The following HTR1F variants were observed in gnomAD, a reference collection of about 807,000 sequenced individuals.
HTR1F encodes 5-hydroxytryptamine receptor 1F.
HTR1F carries 17 observed loss-of-function variants against 24.0 expected under a neutral mutation model. The observed-to-expected ratio is 0.71, with a 90% CI of 0.48 to 1.06. The LOEUF (loss-of-function observed/expected upper bound fraction) is 1.06. Ranked by LOEUF, HTR1F falls within the 50% of genes least tolerant of loss-of-function variation. The pLI, the probability that HTR1F is intolerant of heterozygous loss-of-function variation, is 0.00. For synonymous variants in HTR1F, 186 were observed against 156.8 expected, an observed-to-expected ratio of 1.19 and a Z score of -1.39; for missense variants, 391 against 427.8, an observed-to-expected ratio of 0.91 and a Z score of 0.76.
chr3:87,931,771 T>C lies in HTR1F; in HGVS notation c.-42-58937T>C, dbSNP rs55824621. ...GGTGTGAGATGGTATCTCATAGTGG[T>C]TTTGATTTGCATTTCTCTGATGGCC... On this transcript the variant is annotated intron_variant, in intron 2 of 2. Coordinates refer to ENST00000319595, the MANE Select transcript of HTR1F (RefSeq NM_001322209.2). 2.7e-5 allele frequency among the ~76,000 whole-genome samples: 4 copies of C among 149,728 alleles called. No homozygotes were observed. In the East Asian group the frequency reaches 5.8e-4, roughly 22 times the overall value.
chr3:87,913,220 A>G (rs935558874), intron 2 of HTR1F, among the ~76,000 whole-genome samples: 1 of 152,174 alleles, frequency 6.6e-6, no homozygotes, highest in Non-Finnish European at 1.5e-5. Context: ...AGCACCTATA[A>G]GGAACCTAAA....
Position 87,950,030 on chromosome 3 carries a change from G to A in HTR1F, c.-42-40678G>A, listed in dbSNP as rs370486890. Among the ~76,000 whole-genome samples, 12 of 152,294 alleles carry A rather than the reference G, an allele frequency of 7.9e-5. No individual in the cohort carries two copies. In the East Asian group the frequency reaches 1.5e-3, roughly 20 times the overall value. On this transcript the variant is annotated intron_variant, in intron 2 of 2. Coordinates refer to ENST00000319595, the MANE Select transcript of HTR1F (RefSeq NM_001322209.2). Reference sequence around the variant, plus strand: ...AAACACAGCAGAGAAAGTCAAAGGGGAAGCAGGCATCTATGAGGAGGAACC... The same window carrying A: ...AAACACAGCAGAGAAAGTCAAAGGGAAAGCAGGCATCTATGAGGAGGAACC...
intron 2 of HTR1F, among the ~76,000 whole-genome samples, chr3:87,875,764 A>C (rs554187693): frequency 6.6e-6 from 1 of 151,842 alleles, no homozygotes; most frequent in South Asian, 2.1e-4. Context: ...CTCTACTAAA[A>C]ATACAAAAAA....
At chr3:87,931,802 T>C (rs940876421) in intron 2 of HTR1F, among the ~76,000 whole-genome samples, 15 of 149,216 alleles carry the variant, frequency 1.0e-4, no homozygotes, top group African/African-American at 3.3e-4. Flanking sequence ...TGGCCAGTGA[T>C]GGTGAGCATT....
At chr3:87,932,574 C>T in intron 2 of HTR1F, among the ~76,000 whole-genome samples, 1 of 152,044 alleles carries the variant, frequency 6.6e-6, no homozygotes, top group East Asian at 1.9e-4. Context: ...TTTTCCAATT[C>T]TGTGAAGAAA....
intron 2 of HTR1F, among the ~76,000 whole-genome samples, chr3:87,978,701 C>T (rs1472024465): frequency 6.6e-6 from 1 of 151,654 alleles, no homozygotes; most frequent in Non-Finnish European, 1.5e-5. Context: ...CTGGCTGAGT[C>T]CAGGATTTTT....
chr3:87,907,585 C>T (rs1348837307), intron 2 of HTR1F, among the ~76,000 whole-genome samples: 2 of 151,878 alleles, frequency 1.3e-5, no homozygotes, highest in Non-Finnish European at 2.9e-5. Flanking sequence ...AAGGTAAAAG[C>T]CACCATAGTC....
At chr3:87,817,991 C>A (rs890439085) in intron 1 of HTR1F, among the ~76,000 whole-genome samples, 37 of 152,132 alleles carry the variant, frequency 2.4e-4, no homozygotes, top group African/African-American at 8.9e-4. Flanking sequence ...TGGCACTCTA[C>A]AATTTTAAGA....
At chr3:87,895,393 T>C (rs1451702533) in intron 2 of HTR1F, among the ~76,000 whole-genome samples, 1 of 152,170 alleles carries the variant, frequency 6.6e-6, no homozygotes, top group Non-Finnish European at 1.5e-5. Flanking sequence ...AAGATGCTCA[T>C]ATACCTGTAT....
intron 2 of HTR1F, among the ~76,000 whole-genome samples, chr3:87,928,832 C>T (rs1199986486): frequency 1.3e-5 from 2 of 152,116 alleles, no homozygotes; most frequent in African/African-American, 4.8e-5. Flanking sequence ...AAGAAATATA[C>T]ATTTTGTGTG....
intron 2 of HTR1F, among the ~76,000 whole-genome samples, chr3:87,985,791 G>A (rs946482337): frequency 4.6e-5 from 7 of 152,140 alleles, no homozygotes; most frequent in East Asian, 1.9e-4. Context: ...TAAACTATGC[G>A]GCTAGGAGCT....
intron 2 of HTR1F, among the ~76,000 whole-genome samples, chr3:87,897,236 TTA>T (rs57031236): frequency 1.6e-4 from 24 of 146,564 alleles, no homozygotes; most frequent in East Asian, 9.9e-4. Context: ...TATAAATGTT[TTA>T]TATATATATA....
intron 2 of HTR1F, among the ~76,000 whole-genome samples, chr3:87,871,887 G>A (rs1428308197): frequency 1.3e-5 from 2 of 151,978 alleles, no homozygotes; most frequent in Non-Finnish European, 1.5e-5. Context: ...CAGAGAACTT[G>A]AACAACACTA....
At chr3:87,882,503 T>C (rs1283666924) in intron 2 of HTR1F, among the ~76,000 whole-genome samples, 3 of 152,002 alleles carry the variant, frequency 2.0e-5, no homozygotes, top group Non-Finnish European at 2.9e-5. Flanking sequence ...GTGGCACATA[T>C]ACACCATGGA....
chr3:87,933,818 A>C (rs1704345529), intron 2 of HTR1F, among the ~76,000 whole-genome samples: 1 of 152,174 alleles, frequency 6.6e-6, no homozygotes, highest in South Asian at 2.1e-4. Context: ...GTCTTTCTTT[A>C]AACTAACACA....
intron 2 of HTR1F, among the ~76,000 whole-genome samples, chr3:87,873,003 G>A (rs561108082): frequency 8.6e-5 from 13 of 151,940 alleles, no homozygotes; most frequent in Non-Finnish European, 1.6e-4. Flanking sequence ...AAACTACAGA[G>A]TAGTAACCAA....
intron 2 of HTR1F, among the ~76,000 whole-genome samples, chr3:87,833,399 C>T (rs1467224102): frequency 6.6e-6 from 1 of 152,156 alleles, no homozygotes; most frequent in African/African-American, 2.4e-5. Flanking sequence ...ATGCAGATTT[C>T]TTGGCCTCAT....
At chr3:87,940,850 C>G (rs1320916187) in intron 2 of HTR1F, among the ~76,000 whole-genome samples, 42 of 152,334 alleles carry the variant, frequency 2.8e-4, no homozygotes, top group Non-Finnish European at 2.9e-5. Context: ...CACAAGTCTC[C>G]TATAGCAGTG....
chr3:87,986,762 A>G lies in HTR1F; in HGVS notation c.-42-3946A>G, dbSNP rs149096046. Among the ~76,000 whole-genome samples, 307 of 152,278 alleles carry G rather than the reference A, an allele frequency of 2.0e-3. 1 individual carries two copies. The highest frequency in any genetic ancestry group is 7.1e-3 in the African/African-American group (294 of 41,558). ...AAAATGGAAAGCTATTTTTGCTCAT[A>G]TTATGAAAACTGTCAGCACTTTTAA... is the stretch of plus-strand genomic sequence containing the variant. On this transcript the variant is annotated intron_variant, in intron 2 of 2. Coordinates refer to ENST00000319595, the MANE Select transcript of HTR1F (RefSeq NM_001322209.2).
Sources: allele counts gnomAD v4.1 joint callset (sites outside exome capture counted in the v4.1 genomes callset), GRCh38; gene constraint gnomAD v4.1.1; transcripts MANE v1.5; gene names NCBI Gene and HGNC (gene_info 2026-07-23, HGNC 2026-07-21).